Variants in ANO10 observed in about 807,000 individuals in gnomAD.
ANO10 encodes the protein anoctamin-10.
A neutral mutation model predicts 74.7 loss-of-function variants in ANO10; 77 were observed. The ratio of observed to expected loss-of-function variants is 1.03; its 90% CI spans 0.86 to 1.25. The LOEUF (loss-of-function observed/expected upper bound fraction) is 1.25, where lower values mean the gene tolerates loss of function less well. Ranked by LOEUF, ANO10 falls within the 50% of genes most tolerant of loss-of-function variation. The pLI is 0.00. For synonymous variants in ANO10, 279 were observed against 284.9 expected (o/e 0.98, Z 0.21); for missense variants, 721 against 778.1 (o/e 0.93, Z 0.87).
chr3:43,530,087 T>C (rs1221123604), intron 11 of ANO10, among the ~76,000 whole-genome samples: 2 of 151,702 alleles, frequency 1.3e-5, no homozygotes, highest in African/African-American at 4.8e-5. Flanking sequence ...TAAGGAAAAA[T>C]AGAAATTAAG....
At chr3:43,434,907 G>A (rs2093044305) in intron 11 of ANO10, among the ~76,000 whole-genome samples, 1 of 152,194 alleles carries the variant, frequency 6.6e-6, no homozygotes, top group Admixed American at 6.5e-5. Flanking sequence ...ATAGCAACAT[G>A]CTTTTATGAG....
chr3:43,484,843 T>C (rs1575226285), intron 11 of ANO10: 2 of 534,762 alleles, frequency 3.7e-6, no homozygotes, highest in East Asian at 6.4e-5. Flanking sequence ...GTTTACATCA[T>C]GGAGGCGGGG....
chr3:43,476,607 CT>C (rs1156889453), intron 11 of ANO10, among the ~76,000 whole-genome samples: 1 of 152,176 alleles, frequency 6.6e-6, no homozygotes, highest in Non-Finnish European at 1.5e-5. Context: ...TCTCCTTTTC[CT>C]TTTCTTGGTT....
At chr3:43,683,042 A>T (rs918819221) in intron 1 of ANO10, among the ~76,000 whole-genome samples, 1 of 152,218 alleles carries the variant, frequency 6.6e-6, no homozygotes, top group African/African-American at 2.4e-5. Context: ...GCCGTCTCTC[A>T]CCACTCCTAT....
rs1482027106 is a variant in ANO10, at chr3:43,385,648, G to A, written c.1915-18674C>T. 2.2e-4 allele frequency among the ~76,000 whole-genome samples: 33 copies of A among 151,766 alleles called. 1 individual carries two copies. The highest frequency in any genetic ancestry group is 2.2e-3 in the Admixed American group (33 of 15,194). On this transcript the variant is annotated intron_variant, in intron 12 of 12. Coordinates refer to ENST00000292246, the MANE Select transcript of ANO10 (RefSeq NM_018075.5). ...GGAGACCACTGGAGACATTAAGTAA[G>A]GTAACTCAGGAATGGAAAACCAAAC...
At chr3:43,529,120 A>G (rs1299185212) in intron 11 of ANO10, among the ~76,000 whole-genome samples, 1 of 152,228 alleles carries the variant, frequency 6.6e-6, no homozygotes, top group East Asian at 1.9e-4. Context: ...CACTAATATT[A>G]AACACTTGGT....
chr3:43,420,990 A>C (rs1379121441), intron 12 of ANO10, among the ~76,000 whole-genome samples: 2 of 152,234 alleles, frequency 1.3e-5, no homozygotes, highest in Non-Finnish European at 2.9e-5. Flanking sequence ...TGGGAGGCCA[A>C]AATGGATGCA....
intron 1 of ANO10, among the ~76,000 whole-genome samples, chr3:43,621,254 G>A (rs1559792738): frequency 6.6e-6 from 1 of 152,122 alleles, no homozygotes; most frequent in Non-Finnish European, 1.5e-5. Context: ...CTGCCTATAG[G>A]GGAGAACCCC....
intron 12 of ANO10, among the ~76,000 whole-genome samples, chr3:43,431,785 G>T (rs1012998431): frequency 1.3e-5 from 2 of 152,014 alleles, no homozygotes; most frequent in Non-Finnish European, 2.9e-5. Context: ...TCTCCTGTCC[G>T]GCGCACTACC....
intron 6 of ANO10, 107 bp downstream of exon 6, chr3:43,576,585 A>C: frequency 2.5e-6 from 3 of 1,213,900 alleles, no homozygotes; most frequent in Middle Eastern, 1.9e-4. Context: ...TAATGAGCCA[A>C]GAGCAACATC....
intron 12 of ANO10, among the ~76,000 whole-genome samples, chr3:43,374,121 G>A (rs1268326212): frequency 2.6e-5 from 4 of 152,206 alleles, no homozygotes; most frequent in Non-Finnish European, 4.4e-5. Context: ...TCAGGTCCAT[G>A]GGTCTGGGCA....
intron 1 of ANO10, among the ~76,000 whole-genome samples, chr3:43,607,614 G>C (rs780909162): frequency 1.6e-4 from 24 of 152,108 alleles, no homozygotes; most frequent in African/African-American, 4.8e-4. Flanking sequence ...AGATCACCCC[G>C]ATAGGAACTA....
intron 12 of ANO10, among the ~76,000 whole-genome samples, chr3:43,387,385 A>G (rs2092152908): frequency 6.6e-6 from 1 of 152,130 alleles, no homozygotes; most frequent in Non-Finnish European, 1.5e-5. Context: ...CCATGTCTCC[A>G]GCCTCATCTT....
chr3:43,574,979 C>A, intron 6 of ANO10, 115 bp from the exon 7 acceptor site: 1 of 803,882 alleles, frequency 1.2e-6, no homozygotes, highest in South Asian at 1.4e-5. Context: ...GAGCCTCAGT[C>A]AGTAAATGTA....
At chr3:43,532,053 T>C (rs372192625) in intron 11 of ANO10, among the ~76,000 whole-genome samples, 2 of 152,328 alleles carry the variant, frequency 1.3e-5, no homozygotes, top group South Asian at 2.1e-4. Context: ...GCCAGCCCTA[T>C]GTATGACATC....
chr3:43,372,679 T>G, intron 12 of ANO10: 1 of 617,974 alleles, frequency 1.6e-6, no homozygotes. Context: ...ACCATCTGGT[T>G]TATTCATTGT....
chr3:43,662,488 C>A (rs376419034), intron 1 of ANO10, among the ~76,000 whole-genome samples: 140 of 152,182 alleles, frequency 9.2e-4, no homozygotes, highest in African/African-American at 3.1e-3. Context: ...CCTAACATCA[C>A]AATTAACACT....
chr3:43,567,677 A>T (rs1395199678), intron 7 of ANO10, among the ~76,000 whole-genome samples: 1 of 152,156 alleles, frequency 6.6e-6, no homozygotes, highest in African/African-American at 2.4e-5. Flanking sequence ...AGAGCTCCTG[A>T]AGGAAGCACT....
chr3:43,557,960 C>G (rs2079840078), intron 9 of ANO10, among the ~76,000 whole-genome samples: 1 of 151,334 alleles, frequency 6.6e-6, no homozygotes, highest in African/African-American at 2.4e-5. Flanking sequence ...CAAAAATAAG[C>G]CAGGCATGAT....
Sources: allele counts gnomAD v4.1 joint callset (sites outside exome capture counted in the v4.1 genomes callset), GRCh38; gene constraint gnomAD v4.1.1; transcripts MANE v1.5; gene names NCBI Gene and HGNC (gene_info 2026-07-23, HGNC 2026-07-21).